Variants in SLC33A1 observed in about 807,000 individuals in gnomAD.
SLC33A1 encodes the protein acetyl-coenzyme A transporter 1.
SLC33A1 carries 20 observed loss-of-function variants against 50.0 expected under a neutral mutation model. That is an observed-to-expected ratio of 0.40 (90% CI 0.28 to 0.58). The LOEUF (loss-of-function observed/expected upper bound fraction) is 0.58. Ranked by LOEUF, SLC33A1 falls within the 20% of genes least tolerant of loss-of-function variation. The probability of loss-of-function intolerance (pLI) is 0.44; values close to 1 mark genes in which losing one functional copy is unlikely to be tolerated. For synonymous variants in SLC33A1, 265 were observed against 251.8 expected (o/e 1.05, Z -0.50); for missense variants, 476 against 657.0 (o/e 0.72, Z 3.01).
At position 155,854,252 on chromosome 3, in the gene SLC33A1, C is replaced by A. The variant is rs1490785281; in HGVS notation, c.-255G>T. On this transcript the variant is annotated 5_prime_UTR_variant, in exon 1 of 6. Coordinates refer to ENST00000643144, the MANE Select transcript of SLC33A1 (RefSeq NM_004733.4). ...ACGGCGTCAAAGAGCCTGAAGGAGA[C>A]CCCCGGGCAGCAGCGCCGGGCTCGA... is the stretch of plus-strand genomic sequence containing the variant. The A allele has an allele frequency of 5.0e-5, 18 of 360,360 alleles. No homozygotes were observed. The highest frequency in any genetic ancestry group is 8.0e-5 in the Non-Finnish European group (16 of 199,646). The allele number at this position is 360,360 out of a possible 1,614,324, so 22.3% of individuals were successfully genotyped here.
intron 1 of SLC33A1, among the ~76,000 whole-genome samples, chr3:155,851,911 T>C (rs1753415641): frequency 6.6e-6 from 1 of 152,160 alleles, no homozygotes; most frequent in Admixed American, 6.5e-5. Flanking sequence ...GAGAATAAGA[T>C]TGCAGGAAAA....
rs1218173639 is a variant in SLC33A1 at position 155,827,308 on chromosome 3, T to C, written c.*902A>G. On this transcript the variant is annotated 3_prime_UTR_variant, in exon 6 of 6. Coordinates refer to ENST00000643144, the MANE Select transcript of SLC33A1 (RefSeq NM_004733.4). The stretch of plus-strand genomic sequence containing the variant: ...CAGAAAGCTTTACTGTTTTTTTCTC[T>C]CAGCAATTAAAAAAAAACTACTTGA... 6.6e-6 allele frequency: 1 copy of C among 152,168 alleles called. No homozygotes were observed. 9.4% of individuals were successfully genotyped at this position (152,168 alleles called of 1,614,324 possible).
At chr3:155,844,352 G>C (rs1374595247) in intron 1 of SLC33A1, among the ~76,000 whole-genome samples, 3 of 147,024 alleles carry the variant, frequency 2.0e-5, no homozygotes, top group African/African-American at 7.5e-5. Flanking sequence ...AGAGGCAGAG[G>C]CAGAACTTGA....
rs1473400374 is a variant in SLC33A1 at position 155,824,473 on chromosome 3, C to G, written c.*3737G>C. On this transcript the variant is annotated 3_prime_UTR_variant, in exon 6 of 6. Coordinates refer to ENST00000643144, the MANE Select transcript of SLC33A1 (RefSeq NM_004733.4). ...AAAAGGTTAAATCATGAAGATTTCT[C>G]TTTTGTAGGATATAATTCACCCCTG... 1.3e-5 allele frequency: 2 copies of G among 152,196 alleles called. No homozygotes were observed. The highest frequency in any genetic ancestry group is 2.9e-5 in the Non-Finnish European group (2 of 68,040). 9.4% of individuals were successfully genotyped at this position (152,196 alleles called of 1,614,324 possible).
At chr3:155,835,448 C>T (rs1272606381) in intron 2 of SLC33A1, among the ~76,000 whole-genome samples, 1 of 152,184 alleles carries the variant, frequency 6.6e-6, no homozygotes, top group Non-Finnish European at 1.5e-5. Flanking sequence ...TAACGAAGAG[C>T]AGCCTGAAAA....
At chr3:155,847,292 T>A (rs1753210579) in intron 1 of SLC33A1, among the ~76,000 whole-genome samples, 2 of 152,196 alleles carry the variant, frequency 1.3e-5, no homozygotes, top group Non-Finnish European at 2.9e-5. Context: ...AAAGAATGTA[T>A]TATAGCCTAT....
chr3:155,844,012 CA>C (rs1753029070), intron 1 of SLC33A1, among the ~76,000 whole-genome samples: 1 of 152,102 alleles, frequency 6.6e-6, no homozygotes, highest in Non-Finnish European at 1.5e-5. Context: ...GTATGTGGCA[CA>C]ACTGATCAAG....
intron 1 of SLC33A1, among the ~76,000 whole-genome samples, chr3:155,850,272 G>A (rs1374988037): frequency 6.6e-6 from 1 of 152,110 alleles, no homozygotes. Flanking sequence ...CTCCCAAAGT[G>A]TTGGGATTAC....
intron 1 of SLC33A1, among the ~76,000 whole-genome samples, chr3:155,844,447 A>ATT (rs1753062149): frequency 1.4e-4 from 4 of 29,172 alleles, no homozygotes; most frequent in Non-Finnish European, 1.7e-4. Flanking sequence ...ATATATATAT[A>ATT]TATATATATA....
At chr3:155,838,012 C>A (rs1752760254) in intron 2 of SLC33A1, among the ~76,000 whole-genome samples, 1 of 152,126 alleles carries the variant, frequency 6.6e-6, no homozygotes, top group African/African-American at 2.4e-5. Flanking sequence ...GCTTAATAAT[C>A]TATTGGCTGG....
At chr3:155,837,221 T>C (rs936076322) in intron 2 of SLC33A1, among the ~76,000 whole-genome samples, 1 of 151,618 alleles carries the variant, frequency 6.6e-6, no homozygotes, top group Non-Finnish European at 1.5e-5. Context: ...CTGGGCGTGG[T>C]GGTGGGTGCC....
intron 5 of SLC33A1, among the ~76,000 whole-genome samples, chr3:155,829,039 C>G (rs1192426238): frequency 1.3e-5 from 2 of 151,700 alleles, no homozygotes; most frequent in Non-Finnish European, 2.9e-5. Context: ...GTAGTTGGGA[C>G]TACAGGCACA....
In SLC33A1 at chr3:155,823,260, G is replaced by C. The variant is rs1001681991; in HGVS notation, c.*4950C>G. ...TCTACCTTGCTAGCAAATTGGGGAA[G>C]TAACATGAAGACTCTAATAGTGGTT... is the stretch of plus-strand genomic sequence containing the variant. On this transcript the variant is annotated 3_prime_UTR_variant, in exon 6 of 6. Transcript: ENST00000643144. The C allele has an allele frequency of 2.0e-5, 3 of 152,132 alleles. No individual in the cohort carries two copies. The highest frequency in any genetic ancestry group is 7.2e-5 in the African/African-American group (3 of 41,422). 9.4% of individuals were successfully genotyped at this position (152,132 alleles called of 1,614,324 possible). A position where few individuals can be genotyped will look rare whatever the true frequency, so the allele number is the denominator to read the frequency against.
Position 155,824,641 on chromosome 3 carries a change from C to G in SLC33A1, c.*3569G>C, listed in dbSNP as rs1221648818. 6.6e-6 allele frequency: 1 copy of G among 151,774 alleles called. No homozygotes were observed. The highest frequency in any genetic ancestry group is 1.5e-5 in the Non-Finnish European group (1 of 67,980). The allele number at this position is 151,774 out of a possible 1,614,324, so 9.4% of individuals were successfully genotyped here. A position where few individuals can be genotyped will look rare whatever the true frequency, so the allele number is the denominator to read the frequency against. On this transcript the variant is annotated 3_prime_UTR_variant, in exon 6 of 6. Coordinates refer to ENST00000643144, the MANE Select transcript of SLC33A1 (RefSeq NM_004733.4). ...CATTGTTTTCAGGATGTTTTAAACA[C>G]TTTCACAACTATTACCTCAGATTTG...
intron 1 of SLC33A1, among the ~76,000 whole-genome samples, chr3:155,850,298 C>T (rs531089740): frequency 7.2e-5 from 11 of 152,222 alleles, no homozygotes; most frequent in Non-Finnish European, 7.4e-5. Context: ...TGAGCCAACG[C>T]GCCCAGCCAG....
intron 1 of SLC33A1, among the ~76,000 whole-genome samples, chr3:155,852,657 C>T (rs545635368): frequency 6.6e-6 from 1 of 152,320 alleles, no homozygotes; most frequent in East Asian, 1.9e-4. Context: ...AAGCCTGACT[C>T]CCAAAGGCAG....
chr3:155,853,429 G>T lies in SLC33A1; in HGVS notation c.569C>A (p.Ala190Asp). 1 of 1,614,070 alleles carries T rather than the reference G, an allele frequency of 6.2e-7. No individual in the cohort carries two copies. The highest frequency in any genetic ancestry group is 8.5e-7 in the Non-Finnish European group (1 of 1,180,024). ...TVAFFLFEFL[A>D]ATQDIAVDGW... Reference sequence around the variant, plus strand: ...ATCGACGGCAATGTCCTGAGTGGCGGCCAAGAATTCAAACAAAAAGAACGC... The same window carrying T: ...ATCGACGGCAATGTCCTGAGTGGCGTCCAAGAATTCAAACAAAAAGAACGC... The change falls in exon 1 of 6, where the codon GCC becomes GAC. Residue 190 changes from alanine (A) to aspartate (D), a missense_variant. By Grantham distance (126) the Ala-to-Asp change is moderately radical. Transcript: ENST00000643144.
rs1160601116 is a variant in SLC33A1 at position 155,824,724 on chromosome 3, A to T, written c.*3486T>A. On this transcript the variant is annotated 3_prime_UTR_variant, in exon 6 of 6. Transcript: ENST00000643144. ...AACCATGATTTTTGGATCATGGCCC[A>T]TCCAAGATTTTACTCTGTTCAGAAA... 1 of 152,022 alleles carries T rather than the reference A, an allele frequency of 6.6e-6. No individual in the cohort carries two copies. The highest frequency in any genetic ancestry group is 1.5e-5 in the Non-Finnish European group (1 of 68,016). The allele number at this position is 152,022 out of a possible 1,614,324, so 9.4% of individuals were successfully genotyped here. A position where few individuals can be genotyped will look rare whatever the true frequency, so the allele number is the denominator to read the frequency against.
chr3:155,833,992 T>C lies in SLC33A1; in HGVS notation c.1013A>G (p.Glu338Gly). ...GGCTAAATGTTCTTTGGGTACTCCC[T>C]CTTCTACCAATTTCAGTCCTGTTAC... Reference protein sequence around the residue: ...DAVTGLKLVEEGVPKEHLALL... With the variant: ...DAVTGLKLVEGGVPKEHLALL... The change falls in exon 3 of 6, where the codon GAG (glutamate) becomes GGG (glycine). Residue 338 changes from glutamate (E) to glycine (G), a missense_variant. Transcript: ENST00000643144. 1 of 1,614,000 alleles carries C rather than the reference T, an allele frequency of 6.2e-7. No homozygotes were observed. Among genetic ancestry groups the C allele is most frequent in the Middle Eastern group, 1.7e-4 (1 of 6,058 alleles).
Sources: gnomAD v4.1 joint callset for allele counts (sites outside exome capture counted in the v4.1 genomes callset) on GRCh38, gnomAD v4.1.1 for gene constraint, MANE v1.5 for transcripts, NCBI Gene and HGNC (gene_info 2026-07-23, HGNC 2026-07-21) for gene names.